C17orf113: variants seen among roughly 807,000 people sequenced by gnomAD.
C17orf113 encodes the protein uncharacterized protein C17orf113.
In C17orf113, 5 loss-of-function variants were observed where a neutral mutation model predicts 11.6. The observed-to-expected ratio is 0.43, with a 90% CI of 0.23 to 0.91. The LOEUF (loss-of-function observed/expected upper bound fraction) is 0.91, where lower values mean the gene tolerates loss of function less well. Among genes scored for constraint, C17orf113 ranks in the 40% least tolerant of loss-of-function variants. The pLI, the probability that C17orf113 is intolerant of heterozygous loss-of-function variation, is 0.26. For missense variants in C17orf113, 714 were observed against 841.3 expected, an observed-to-expected ratio of 0.85 and a Z score of 1.87; for synonymous variants, 327 against 390.6, an observed-to-expected ratio of 0.84 and a Z score of 1.92.
Position 42,040,155 on chromosome 17 carries a change from G to C in C17orf113, c.1578C>G (p.Tyr526Ter), listed in dbSNP as rs1362203591. ...AFAAIFDPRR[Y>*]PQAPEELGTH... is the part of the protein sequence containing the mutation. ...TGCCCAGCTCCTCCGGCGCCTGCGG[G>C]TAGCGTCGGGGGTCGAAGATCGCTG... The change falls in exon 3 of 3, where the codon TAC becomes TAG. Residue 526 changes from tyrosine to a stop codon, truncating the protein, a stop_gained. Transcript: ENST00000587304. LOFTEE classifies it low-confidence loss of function (END_TRUNC). 4.9e-6 allele frequency: 6 copies of C among 1,231,446 alleles called. No homozygotes were observed. In the African/African-American group the frequency reaches 9.3e-5, roughly 19 times the overall value. 76.3% of individuals were successfully genotyped at this position (1,231,446 alleles called of 1,614,324 possible).
rs1306464690 is a variant in C17orf113 at position 42,040,416 on chromosome 17, G to T, written c.1317C>A (p.Leu439=). 49 of 1,231,944 alleles carry T rather than the reference G, an allele frequency of 4.0e-5. No individual in the cohort carries two copies. The highest frequency in any genetic ancestry group is 1.3e-4 in the Admixed American group (3 of 23,704). 76.3% of individuals were successfully genotyped at this position (1,231,944 alleles called of 1,614,324 possible). Residue 439 remains leucine, a synonymous_variant, in exon 3 of 3, where the codon CTC becomes CTA. Coordinates refer to ENST00000587304, the MANE Select transcript of C17orf113 (RefSeq NM_001358661.2). The stretch of plus-strand genomic sequence containing the variant: ...CCCCACCTGAGCCGCGCTGAGCTTG[G>T]AGGGAGGCCGCAGCCGCCATCACCA... ...QPLVMAAAAS[L]QAQRGSGGAR...
At chr17:42,044,140 T>TAAAAAA (rs35206698) in intron 1 of C17orf113, among the ~76,000 whole-genome samples, 2 of 83,594 alleles carry the variant, frequency 2.4e-5, no homozygotes, top group Non-Finnish European at 4.4e-5. Context: ...ACCCCATCTC[T>TAAAAAA]AAAAAAAAAA....
chr17:42,048,061 A>G (rs1468829346), intron 1 of C17orf113, among the ~76,000 whole-genome samples: 3 of 151,684 alleles, frequency 2.0e-5, no homozygotes, highest in Non-Finnish European at 4.4e-5. Flanking sequence ...TCCTCTGTCC[A>G]TCACTCCTTG....
In C17orf113 at chr17:42,043,258, C is replaced by T. The variant is rs2053070442; in HGVS notation, c.119G>A (p.Arg40Gln). The T allele has an allele frequency of 6.5e-6, 8 of 1,232,264 alleles. No homozygotes were observed. The South Asian group carries it at 2.5e-4, about 38-fold the overall frequency. The allele number at this position is 1,232,264 out of a possible 1,614,324, so 76.3% of individuals were successfully genotyped here. ...GCACTCGAGGCAGAACATCAGCTTCCGCTCATAGTCAAAGTCCAGCCAGGT... is the reference window on the plus strand; with the variant it reads ...GCACTCGAGGCAGAACATCAGCTTCTGCTCATAGTCAAAGTCCAGCCAGGT... ...EFTWLDFDYE[R>Q]KLMFCLECRQ... The change falls in exon 2 of 3, where the codon CGG (arginine) becomes CAG (glutamine). Residue 40 changes from arginine (R) to glutamine (Q), a missense_variant. Physicochemically the swap from Arg to Gln is conservative, Grantham distance 43. This residue lies in a region of C17orf113 where 516 missense variants were observed against 626.6 expected (regional missense o/e 0.82). Coordinates refer to ENST00000587304, the MANE Select transcript of C17orf113 (RefSeq NM_001358661.2).
chr17:42,042,846 C>T lies in C17orf113; in HGVS notation c.531G>A (p.Val177=), dbSNP rs2053057124. The T allele has an allele frequency of 3.2e-6, 4 of 1,232,218 alleles. No homozygotes were observed. The highest frequency in any genetic ancestry group is 6.3e-5 in the East Asian group (2 of 31,720). The allele number at this position is 1,232,218 out of a possible 1,614,324, so 76.3% of individuals were successfully genotyped here. ...EHGDYYSPRR[V]RDMQVAIASV... ...GGCTGTCACCCACCTGCATGTCCCT[C>T]ACCCTCCTGGGACTGTAGTAATCGC... is the stretch of plus-strand genomic sequence containing the variant. The change falls in exon 2 of 3, where the codon GTG becomes GTA. Residue 177 remains valine (V), a synonymous_variant. Coordinates refer to ENST00000587304, the MANE Select transcript of C17orf113 (RefSeq NM_001358661.2).
intron 1 of C17orf113, among the ~76,000 whole-genome samples, chr17:42,046,943 A>C (rs2053174161): frequency 6.6e-6 from 1 of 151,534 alleles, no homozygotes; most frequent in South Asian, 2.1e-4. Context: ...GCTCACTGCA[A>C]TCTCCACCTC....
At chr17:42,046,746 G>A (rs895488833) in intron 1 of C17orf113, among the ~76,000 whole-genome samples, 3 of 151,456 alleles carry the variant, frequency 2.0e-5, no homozygotes, top group Non-Finnish European at 4.4e-5. Context: ...AACATTTAAA[G>A]ATAAAATAAA....
chr17:42,045,845 C>G (rs2053148927), intron 1 of C17orf113, among the ~76,000 whole-genome samples: 1 of 152,202 alleles, frequency 6.6e-6, no homozygotes, highest in African/African-American at 2.4e-5. Context: ...CTGCCTAAGT[C>G]TACACACCTA....
intron 1 of C17orf113, among the ~76,000 whole-genome samples, chr17:42,045,078 C>T (rs975709865): frequency 6.6e-6 from 1 of 152,220 alleles, no homozygotes; most frequent in Non-Finnish European, 1.5e-5. Flanking sequence ...CCATCACGCC[C>T]GGCTAATTTT....
At chr17:42,048,572 G>A (rs1292058580) in intron 1 of C17orf113, among the ~76,000 whole-genome samples, 2 of 151,932 alleles carry the variant, frequency 1.3e-5, no homozygotes, top group Non-Finnish European at 2.9e-5. Flanking sequence ...AAGCAAATAT[G>A]CCCCTCTCCC....
At position 42,043,298 on chromosome 17, in the gene C17orf113, AGTGCTCG is replaced by A; in HGVS notation, c.72_78del (p.Glu25GlyfsTer16). The A allele has an allele frequency of 8.1e-7, 1 of 1,232,250 alleles. No homozygotes were observed. Among genetic ancestry groups the A allele is most frequent in the East Asian group, 3.2e-5 (1 of 31,708 alleles). 76.3% of individuals were successfully genotyped at this position (1,232,250 alleles called of 1,614,324 possible). ...TCCAGCCAGGTAAACTCCTCTTTCC[AGTGCTCG>A]TTGAAGTAACGCTTACACTTCTTGT... On this transcript the variant is annotated frameshift_variant, in exon 2 of 3. Transcript: ENST00000587304. LOFTEE classifies it high-confidence loss of function.
At position 42,040,835 on chromosome 17, in the gene C17orf113, C is replaced by T; in HGVS notation, c.898G>A (p.Gly300Ser). Residue 300 changes from glycine (G) to serine (S), a missense_variant, in exon 3 of 3, where the codon GGC becomes AGC. Physicochemically the swap from Gly to Ser is moderately conservative, Grantham distance 56 (BLOSUM62 0). Around this residue, in one of 3 missense-constraint regions of C17orf113, gnomAD observed 516 missense variants for 626.6 expected, o/e 0.82. Coordinates refer to ENST00000587304, the MANE Select transcript of C17orf113 (RefSeq NM_001358661.2). ...GCCGGGGGCTCAGGATCTGTCCGGC[C>T]AGGGAGACAATGCAGCTCTGCCAGC... is the stretch of plus-strand genomic sequence containing the variant. ...PLLAELHCLPGRTDPEPPAYL... is the reference protein window; with the variant it reads ...PLLAELHCLPSRTDPEPPAYL... The T allele has an allele frequency of 8.1e-7, 1 of 1,232,358 alleles. No individual in the cohort carries two copies. Among genetic ancestry groups the T allele is most frequent in the Non-Finnish European group, 1.0e-6 (1 of 988,104 alleles). The allele number at this position is 1,232,358 out of a possible 1,614,324, so 76.3% of individuals were successfully genotyped here. A position where few individuals can be genotyped will look rare whatever the true frequency, so the allele number is the denominator to read the frequency against.
rs1555655901 is a variant in C17orf113, at chr17:42,039,851, GC to G, written c.1881del (p.Gln628ArgfsTer13). The G allele has an allele frequency of 1.6e-6, 2 of 1,223,410 alleles. No homozygotes were observed. The highest frequency in any genetic ancestry group is 2.0e-6 in the Non-Finnish European group (2 of 983,554). The allele number at this position is 1,223,410 out of a possible 1,614,324, so 75.8% of individuals were successfully genotyped here. On this transcript the variant is annotated frameshift_variant, in exon 3 of 3. Transcript: ENST00000587304. LOFTEE classifies it high-confidence loss of function. The stretch of plus-strand genomic sequence containing the variant: ...CCCCGGCCTTCCCCGGCCCCACTCT[GC>G]CCCCACCACCGCAGCTCCCGGCTGC... ...VGRSRELRWWGQSGAGEGRGG... is the reference protein window; with the variant it reads ...VGRSRELRWWXQSGAGEGRGG...
rs1598184553 is a variant in C17orf113 at position 42,040,271 on chromosome 17, C to T, written c.1462G>A (p.Glu488Lys). The T allele has an allele frequency of 4.1e-6, 5 of 1,231,644 alleles. No individual in the cohort carries two copies. The highest frequency in any genetic ancestry group is 5.1e-6 in the Non-Finnish European group (5 of 987,872). The allele number at this position is 1,231,644 out of a possible 1,614,324, so 76.3% of individuals were successfully genotyped here. Residue 488 changes from glutamate to lysine, a missense_variant, in exon 3 of 3, where the codon GAG becomes AAG. Physicochemically the swap from Glu to Lys is moderately conservative, Grantham distance 56. This residue lies in a region of C17orf113 where 516 missense variants were observed against 626.6 expected (regional missense o/e 0.82). Coordinates refer to ENST00000587304, the MANE Select transcript of C17orf113 (RefSeq NM_001358661.2). Reference sequence around the variant, plus strand: ...TCCAGGAAGGATCCCCGGAGCCACTCCAAGCCCCGGACCGCAGCCTCGGAG... The same window carrying T: ...TCCAGGAAGGATCCCCGGAGCCACTTCAAGCCCCGGACCGCAGCCTCGGAG... ...GYSEAAVRGLEWLRGSFLDSM... is the reference protein window; with the variant it reads ...GYSEAAVRGLKWLRGSFLDSM...
At chr17:42,041,897 A>C (rs868986062) in intron 2 of C17orf113, among the ~76,000 whole-genome samples, 4 of 152,168 alleles carry the variant, frequency 2.6e-5, no homozygotes, top group African/African-American at 9.7e-5. Flanking sequence ...GCCAGAGGGA[A>C]CACCCTGCTC....
Position 42,039,690 on chromosome 17 carries a change from G to A in C17orf113, c.*15C>T. ...AGGGCCCCAGGCTGGATGGGCCGAG[G>A]GAAGGAGGCCACCCTCAGGTGAGCT... On this transcript the variant is annotated 3_prime_UTR_variant, in exon 3 of 3. Transcript: ENST00000587304. 8.1e-7 allele frequency: 1 copy of A among 1,232,392 alleles called. No individual in the cohort carries two copies. 76.3% of individuals were successfully genotyped at this position (1,232,392 alleles called of 1,614,324 possible).
chr17:42,040,232 C>T lies in C17orf113; in HGVS notation c.1501G>A (p.Gly501Ser). The change falls in exon 3 of 3, where the codon GGC (glycine) becomes AGC (serine). Residue 501 changes from glycine to serine, a missense_variant. Transcript: ENST00000587304. ...GGCCCGGGGTAGGAGTCCTGTAGGC[C>T]CTTCCGCATGGAGTCCAGGAAGGAT... ...RGSFLDSMRK[G>S]LQDSYPGPSL... 2 of 1,231,568 alleles carry T rather than the reference C, an allele frequency of 1.6e-6. No homozygotes were observed. Among genetic ancestry groups the T allele is most frequent in the Non-Finnish European group, 2.0e-6 (2 of 987,830 alleles). 76.3% of individuals were successfully genotyped at this position (1,231,568 alleles called of 1,614,324 possible). A position where few individuals can be genotyped will look rare whatever the true frequency, so the allele number is the denominator to read the frequency against.
At chr17:42,044,140 TAAA>T (rs35206698) in intron 1 of C17orf113, among the ~76,000 whole-genome samples, 2 of 83,596 alleles carry the variant, frequency 2.4e-5, no homozygotes, top group Non-Finnish European at 2.2e-5. Context: ...ACCCCATCTC[TAAA>T]AAAAAAAAAA....
rs1036761283 is a variant in C17orf113, at chr17:42,042,973, A to C, written c.404T>G (p.Val135Gly). 1 of 1,232,402 alleles carries C rather than the reference A, an allele frequency of 8.1e-7. No homozygotes were observed. The allele number at this position is 1,232,402 out of a possible 1,614,324, so 76.3% of individuals were successfully genotyped here. The change falls in exon 2 of 3, where the codon GTG becomes GGG. Residue 135 changes from valine (V) to glycine (G), a missense_variant. Physicochemically the swap from Val to Gly is moderately radical, Grantham distance 109. Transcript: ENST00000587304. ...DPAKVAVLTT[V>G]YCMAKEDVPN... ...CACATCCTCCTTTGCCATGCAGTAC[A>C]CAGTAGTCAGCACAGCCACTTTGGC...
Sources: allele counts gnomAD v4.1 joint callset (sites outside exome capture counted in the v4.1 genomes callset), GRCh38; gene constraint gnomAD v4.1.1; regional missense constraint gnomAD v4.1.1; transcripts MANE v1.5; gene names NCBI Gene and HGNC (gene_info 2026-07-23, HGNC 2026-07-21).